The following ROBO2 variants were observed in gnomAD, a reference collection of about 807,000 sequenced individuals.
ROBO2 encodes roundabout homolog 2.
In ROBO2, 53 loss-of-function variants were observed where a neutral mutation model predicts 160.8. That is an observed-to-expected ratio of 0.33 (90% confidence interval 0.26 to 0.41). The LOEUF (loss-of-function observed/expected upper bound fraction) is 0.41. ROBO2 is among the 10% of genes least tolerant of loss of function. ROBO2 has a pLI of 1.00. For missense variants in ROBO2, 1,577 were observed against 1,722.4 expected (o/e 0.92, Z 1.49); for synonymous variants, 664 against 611.7 (o/e 1.09, Z -1.26).
intron 2 of ROBO2, among the ~76,000 whole-genome samples, chr3:77,336,515 T>C (rs1452329444): frequency 6.8e-6 from 1 of 146,840 alleles, no homozygotes; most frequent in African/African-American, 2.5e-5. Flanking sequence ...TTCCTCTTTC[T>C]TTTTTTTTTT....
intron 2 of ROBO2, among the ~76,000 whole-genome samples, chr3:76,708,466 T>C (rs748557743): frequency 6.6e-6 from 1 of 152,186 alleles, no homozygotes; most frequent in Non-Finnish European, 1.5e-5. Flanking sequence ...ATCTTTTCAA[T>C]TTTGCTCTAC....
intron 2 of ROBO2, among the ~76,000 whole-genome samples, chr3:76,812,519 G>C (rs542822486): frequency 1.3e-5 from 2 of 151,710 alleles, no homozygotes; most frequent in Non-Finnish European, 2.9e-5. Flanking sequence ...AGGGAAACTT[G>C]AACAACAAAA....
At chr3:76,184,839 A>G (rs1278051715) in intron 2 of ROBO2, among the ~76,000 whole-genome samples, 3 of 152,096 alleles carry the variant, frequency 2.0e-5, no homozygotes, top group Non-Finnish European at 4.4e-5. Flanking sequence ...GTTTTCCAAG[A>G]TAGCAGAGAA....
intron 2 of ROBO2, among the ~76,000 whole-genome samples, chr3:76,504,867 A>G (rs1017545276): frequency 6.6e-6 from 1 of 152,128 alleles, no homozygotes; most frequent in East Asian, 1.9e-4. Context: ...TTGCAGGTCT[A>G]GCCGCTAGCG....
At chr3:76,534,404 TC>T (rs2082385414) in intron 2 of ROBO2, among the ~76,000 whole-genome samples, 1 of 152,132 alleles carries the variant, frequency 6.6e-6, no homozygotes, top group African/African-American at 2.4e-5. Flanking sequence ...AAGCTTTTTG[TC>T]CCCATTTCCC....
At chr3:76,204,003 T>C (rs1179210520) in intron 2 of ROBO2, among the ~76,000 whole-genome samples, 1 of 152,214 alleles carries the variant, frequency 6.6e-6, no homozygotes, top group Non-Finnish European at 1.5e-5. Context: ...ATAATGCCTT[T>C]AATAAATTCT....
intron 2 of ROBO2, among the ~76,000 whole-genome samples, chr3:76,930,237 C>T (rs904421738): frequency 3.9e-5 from 6 of 151,978 alleles, no homozygotes; most frequent in Admixed American, 3.3e-4. Flanking sequence ...GAACTCCTGG[C>T]CTCAAGTGAT....
intron 2 of ROBO2, among the ~76,000 whole-genome samples, chr3:76,005,756 A>G (rs935608695): frequency 6.6e-6 from 1 of 152,204 alleles, no homozygotes; most frequent in African/African-American, 2.4e-5. Context: ...CTTACTTTGA[A>G]TGTTGAATAT....
intron 2 of ROBO2, among the ~76,000 whole-genome samples, chr3:76,688,597 T>G (rs2092732632): frequency 8.3e-6 from 1 of 120,010 alleles, no homozygotes; most frequent in Non-Finnish European, 1.7e-5. Flanking sequence ...GAGAGAAATT[T>G]TAGTGGTGTG....
chr3:77,410,699 T>TTCCTCCTCCTCC (rs1213707755), intron 2 of ROBO2, among the ~76,000 whole-genome samples: 2 of 41,012 alleles, frequency 4.9e-5, no homozygotes, highest in African/African-American at 1.2e-4. Context: ...CCTCCTCCTC[T>TTCCTCCTCCTCC]TCCTCCTCCT....
At chr3:76,370,096 A>G (rs1258458627) in intron 2 of ROBO2, among the ~76,000 whole-genome samples, 5 of 151,964 alleles carry the variant, frequency 3.3e-5, no homozygotes, top group African/African-American at 1.2e-4. Flanking sequence ...AGAGCTTTGC[A>G]TTTAGTAAAA....
intron 1 of ROBO2, among the ~76,000 whole-genome samples, chr3:77,081,487 G>A (rs546869713): frequency 1.3e-4 from 20 of 152,264 alleles, no homozygotes; most frequent in South Asian, 6.2e-4. Context: ...GGAGACTAAC[G>A]TGATGAGCTG....
At chr3:77,249,785 AAATTTG>A (rs1417312452) in intron 2 of ROBO2, among the ~76,000 whole-genome samples, 1 of 151,944 alleles carries the variant, frequency 6.6e-6, no homozygotes, top group African/African-American at 2.4e-5. Flanking sequence ...TACACCAATC[AAATTTG>A]AATATAGCTA....
chr3:75,978,643 G>C (rs1002398821), intron 2 of ROBO2, among the ~76,000 whole-genome samples: 1 of 151,526 alleles, frequency 6.6e-6, no homozygotes, highest in African/African-American at 2.4e-5. Flanking sequence ...GTCCTTAAGA[G>C]TTAATAATTG....
intron 2 of ROBO2, among the ~76,000 whole-genome samples, chr3:76,590,261 ACT>A (rs972093102): frequency 1.3e-5 from 2 of 152,130 alleles, no homozygotes; most frequent in Non-Finnish European, 2.9e-5. Flanking sequence ...AAGTAATTTA[ACT>A]CTGTCTCCCA....
At chr3:76,700,200 C>T (rs2093019096) in intron 2 of ROBO2, among the ~76,000 whole-genome samples, 1 of 151,996 alleles carries the variant, frequency 6.6e-6, no homozygotes, top group African/African-American at 2.4e-5. Context: ...CATTTTTTGT[C>T]CATTAAGCAA....
intron 2 of ROBO2, among the ~76,000 whole-genome samples, chr3:76,864,090 C>T (rs759337902): frequency 6.6e-6 from 1 of 151,946 alleles, no homozygotes; most frequent in Non-Finnish European, 1.5e-5. Flanking sequence ...GAATTGAACA[C>T]GATCCTTCTC....
intron 2 of ROBO2, among the ~76,000 whole-genome samples, chr3:76,840,362 C>G (rs2068105996): frequency 6.6e-6 from 1 of 151,734 alleles, no homozygotes. Flanking sequence ...GTAATCCCAG[C>G]ACTTTGGGAG....
chr3:76,657,589 A>AT (rs1245169758), intron 2 of ROBO2, among the ~76,000 whole-genome samples: 4 of 146,756 alleles, frequency 2.7e-5, no homozygotes, highest in East Asian at 2.0e-4. Context: ...CTCTAAAAAA[A>AT]ATATATATAT....
Sources: gnomAD v4.1 joint callset for allele counts (sites outside exome capture counted in the v4.1 genomes callset) on GRCh38, gnomAD v4.1.1 for gene constraint, MANE v1.5 for transcripts, NCBI Gene and HGNC (gene_info 2026-07-23, HGNC 2026-07-21) for gene names.